SYNM: variants seen among roughly 807,000 people sequenced by gnomAD.
SYNM encodes desmuslin.
A neutral mutation model predicts 104.0 loss-of-function variants in SYNM; 95 were observed. The ratio of observed to expected loss-of-function variants is 0.91; its 90% CI spans 0.77 to 1.08. The LOEUF is 1.08. Among genes scored for constraint, SYNM ranks in the 50% least tolerant of loss-of-function variants. The pLI is 0.00. For synonymous variants in SYNM, 918 were observed against 869.0 expected (o/e 1.06, Z -0.99); for missense variants, 2,150 against 2,052.2 (o/e 1.05, Z -0.92).
At position 99,133,841 on chromosome 15, in the gene SYNM, T is replaced by TTTCTATTATAGCCTAAG. The variant is rs2067537449; in HGVS notation, c.*787_*788insATTATAGCCTAAGTTCT. The TTTCTATTATAGCCTAAG allele has an allele frequency of 6.6e-6, 1 of 151,870 alleles. No individual in the cohort carries two copies. Among genetic ancestry groups the TTTCTATTATAGCCTAAG allele is most frequent in the African/African-American group, 2.4e-5 (1 of 41,236 alleles). The allele number at this position is 151,870 out of a possible 1,614,324, so 9.4% of individuals were successfully genotyped here. A position where few individuals can be genotyped will look rare whatever the true frequency, so the allele number is the denominator to read the frequency against. On this transcript the variant is annotated 3_prime_UTR_variant, in exon 4 of 4. Coordinates refer to ENST00000336292, the MANE Select transcript of SYNM (RefSeq NM_145728.3). Reference sequence around the variant, plus strand: ...AAGTAGCACACAGTCTGAATGCCCTTTTCTGGAGTGGCCAGTTCCTATCAG... The same window carrying TTTCTATTATAGCCTAAG: ...AAGTAGCACACAGTCTGAATGCCCTTTTCTATTATAGCCTAAGTTCTGGAGTGGCCAGTTCCTATCAG...
downstream of SYNM, among the ~76,000 whole-genome samples, chr15:99,138,986 A>T (rs893426693): frequency 8.5e-5 from 13 of 152,228 alleles, no homozygotes; most frequent in Non-Finnish European, 1.9e-4. Flanking sequence ...ATCCGAGGGC[A>T]GAGGGAAGCC....
At position 99,129,628 on chromosome 15, in the gene SYNM, CCAA is replaced by C; in HGVS notation, c.1270_1272del (p.Asn424del). 6.2e-7 allele frequency: 1 copy of C among 1,613,942 alleles called. No individual in the cohort carries two copies. Among genetic ancestry groups the C allele is most frequent in the Non-Finnish European group, 8.5e-7 (1 of 1,179,890 alleles). On this transcript the variant is annotated inframe_deletion, in exon 4 of 4. Transcript: ENST00000336292. ...TACGGAAAAGCCGTCAGCAGTCAAA[CCAA>C]CGTCAGAACTTTCTCTCCAACCTAT...
At chr15:99,125,899 G>A (rs1033449894) in intron 2 of SYNM, among the ~76,000 whole-genome samples, 1 of 152,226 alleles carries the variant, frequency 6.6e-6, no homozygotes, top group African/African-American at 2.4e-5. Flanking sequence ...CCAGCAGGCT[G>A]GGTCTGCTGG....
chr15:99,139,696 C>T, downstream of SYNM: 1 of 1,376,900 alleles, frequency 7.3e-7, no homozygotes, highest in Non-Finnish European at 9.6e-7. Context: ...TGGTACTGAC[C>T]AGAGGATGGG....
In SYNM at chr15:99,130,719, G is replaced by C. The variant is rs781977193; in HGVS notation, c.2359G>C (p.Glu787Gln). 4.3e-6 allele frequency: 7 copies of C among 1,613,810 alleles called. No individual in the cohort carries two copies. In the East Asian group the frequency reaches 1.3e-4, roughly 31 times the overall value. ...AGGCCCCTGGGGGTTGGTTAAGGAG[G>C]AGGAAGGTTATGGAGAAAGCGATGT... Reference protein sequence around the residue: ...SPGPWGLVKEEEGYGESDVTF... With the variant: ...SPGPWGLVKEQEGYGESDVTF... Residue 787 changes from glutamate (E) to glutamine (Q), a missense_variant, in exon 4 of 4, where the codon GAG becomes CAG. By Grantham distance (29) the Glu-to-Gln change is conservative (BLOSUM62 2). Coordinates refer to ENST00000336292, the MANE Select transcript of SYNM (RefSeq NM_145728.3).
intron 2 of SYNM, among the ~76,000 whole-genome samples, chr15:99,120,771 G>A (rs2067392891): frequency 6.6e-6 from 1 of 152,172 alleles, no homozygotes. Context: ...CTTCTAGAGG[G>A]ATTGAAGATT....
At chr15:99,118,570 T>C (rs933164009) in intron 2 of SYNM, among the ~76,000 whole-genome samples, 4 of 152,104 alleles carry the variant, frequency 2.6e-5, no homozygotes, top group African/African-American at 9.7e-5. Flanking sequence ...ACTGAACACC[T>C]CCCAACCCAG....
rs201950062 is a variant in SYNM, at chr15:99,130,138, C to G, written c.1778C>G (p.Pro593Arg). The change falls in exon 4 of 4, where the codon CCG becomes CGG. Residue 593 changes from proline (P) to arginine (R), a missense_variant. By Grantham distance (103) the Pro-to-Arg change is moderately radical (BLOSUM62 -2). Coordinates refer to ENST00000336292, the MANE Select transcript of SYNM (RefSeq NM_145728.3). ...CAGGACAGAAGAGCAGAGGTGTCCC[C>G]GAAAGGTTTGCAGACGCCTGTGAAG... ...VSQDRRAEVS[P>R]KGLQTPVKDA... 8.7e-6 allele frequency: 14 copies of G among 1,613,706 alleles called. No homozygotes were observed. Among genetic ancestry groups the G allele is most frequent in the South Asian group, 3.3e-5 (3 of 91,062 alleles).
chr15:99,117,570 A>G (rs1179362651), intron 2 of SYNM, among the ~76,000 whole-genome samples: 3 of 152,084 alleles, frequency 2.0e-5, no homozygotes, highest in Admixed American at 6.5e-5. Context: ...GGATTTTTCT[A>G]TTTTCTTTCT....
In SYNM at chr15:99,130,555, T is replaced by C; in HGVS notation, c.2195T>C (p.Leu732Pro). ...CAGATGATAGGAGACATCATCAACC[T>C]CGGCCTGAAAGGGAGGGAGGGGAGA... ...AEQMIGDIIN[L>P]GLKGREGRAK... is the part of the protein sequence containing the mutation. Residue 732 changes from leucine to proline, a missense_variant, in exon 4 of 4, where the codon CTC becomes CCC. Physicochemically the swap from Leu to Pro is moderately conservative, Grantham distance 98 (BLOSUM62 -3). Coordinates refer to ENST00000336292, the MANE Select transcript of SYNM (RefSeq NM_145728.3). The C allele has an allele frequency of 6.2e-7, 1 of 1,613,726 alleles. No individual in the cohort carries two copies. The highest frequency in any genetic ancestry group is 8.5e-7 in the Non-Finnish European group (1 of 1,179,816).
In SYNM at chr15:99,105,735, G is replaced by A. The variant is rs1555482579; in HGVS notation, c.536G>A (p.Arg179His). ...RATGPAAPPPRLREVHDSYAL... is the reference protein window; with the variant it reads ...RATGPAAPPPHLREVHDSYAL... Reference sequence around the variant, plus strand: ...ACCGGCCCCGCCGCGCCGCCGCCACGCCTGCGGGAGGTGCACGACAGCTAC... The same window carrying A: ...ACCGGCCCCGCCGCGCCGCCGCCACACCTGCGGGAGGTGCACGACAGCTAC... Residue 179 changes from arginine to histidine, a missense_variant, in exon 1 of 4, where the codon CGC (arginine) becomes CAC (histidine). Transcript: ENST00000336292. The A allele has an allele frequency of 6.6e-7, 1 of 1,506,740 alleles. No homozygotes were observed. The highest frequency in any genetic ancestry group is 1.2e-5 in the South Asian group (1 of 80,086). 93.3% of individuals were successfully genotyped at this position (1,506,740 alleles called of 1,614,324 possible).
rs2067520117 is a variant in SYNM, at chr15:99,132,414, C to G, written c.4054C>G (p.His1352Asp). The G allele has an allele frequency of 9.9e-6, 16 of 1,613,986 alleles. No homozygotes were observed. The highest frequency in any genetic ancestry group is 1.3e-5 in the Non-Finnish European group (15 of 1,179,888). The change falls in exon 4 of 4, where the codon CAC (histidine) becomes GAC (aspartate). Residue 1352 changes from histidine (H) to aspartate (D), a missense_variant. By Grantham distance (81) the His-to-Asp change is moderately conservative. Transcript: ENST00000336292. ...TVHGEGSADV[H>D]QATHSHTSGR... ...GCACGGAGAGGGCTCAGCAGATGTG[C>G]ACCAGGCCACTCACAGTCATACCTC...
intron 1 of SYNM, among the ~76,000 whole-genome samples, chr15:99,110,386 G>A (rs2067290724): frequency 6.6e-6 from 1 of 152,188 alleles, no homozygotes; most frequent in Non-Finnish European, 1.5e-5. Flanking sequence ...CTGGGTGGGA[G>A]ATTCAAGTTC....
Position 99,130,412 on chromosome 15 carries a change from T to C in SYNM, c.2052T>C (p.Thr684=), listed in dbSNP as rs782184026. ...KELPGERKTK[T]EIVVESKLTE... ...TTCCTGGGGAAAGGAAAACAAAGAC[T>C]GAAATAGTTGTGGAGTCTAAACTGA... The change falls in exon 4 of 4, where the codon ACT becomes ACC. Residue 684 remains threonine, a synonymous_variant. Transcript: ENST00000336292. 6.2e-7 allele frequency: 1 copy of C among 1,613,740 alleles called. No homozygotes were observed. Among genetic ancestry groups the C allele is most frequent in the Non-Finnish European group, 8.5e-7 (1 of 1,179,848 alleles).
chr15:99,115,172 C>T (rs115616118), intron 2 of SYNM, among the ~76,000 whole-genome samples: 125 of 152,292 alleles, frequency 8.2e-4, no homozygotes, highest in African/African-American at 2.9e-3. Flanking sequence ...GTGCCTGCTC[C>T]GTTCCCAGGA....
intron 2 of SYNM, among the ~76,000 whole-genome samples, chr15:99,120,070 T>C (rs2067385648): frequency 6.6e-6 from 1 of 152,214 alleles, no homozygotes; most frequent in Non-Finnish European, 1.5e-5. Context: ...AAGAAGCTTT[T>C]TTTCCATGTG....
At chr15:99,138,319 A>AT (rs1233034058), downstream of SYNM, among the ~76,000 whole-genome samples, 332 of 146,438 alleles carry the variant, frequency 2.3e-3, no homozygotes, top group East Asian at 5.6e-3. Context: ...TATTTTTTTA[A>AT]TTTTTTTTTT....
chr15:99,121,811 T>A (rs571435384), intron 2 of SYNM, among the ~76,000 whole-genome samples: 1 of 152,190 alleles, frequency 6.6e-6, no homozygotes, highest in South Asian at 2.1e-4. Flanking sequence ...GGGTAGACAG[T>A]GCAGAAACCA....
intron 2 of SYNM, among the ~76,000 whole-genome samples, chr15:99,125,218 A>C (rs1429841010): frequency 2.0e-5 from 3 of 152,196 alleles, no homozygotes; most frequent in Non-Finnish European, 4.4e-5. Flanking sequence ...CCTCAGCTGC[A>C]GGACGCCACC....
Sources: gnomAD v4.1 joint callset for allele counts (sites outside exome capture counted in the v4.1 genomes callset) on GRCh38, gnomAD v4.1.1 for gene constraint, MANE v1.5 for transcripts, NCBI Gene and HGNC (gene_info 2026-07-23, HGNC 2026-07-21) for gene names.